The following TAB2 variants were observed in gnomAD, a reference collection of about 807,000 sequenced individuals.
TAB2 encodes TGF-beta-activated kinase 1 and MAP3K7-binding protein 2.
In TAB2, 3 loss-of-function variants were observed where a neutral mutation model predicts 65.0. That is an observed-to-expected ratio of 0.05 (90% CI 0.02 to 0.12). TAB2 has a LOEUF of 0.12. Among genes scored for constraint, TAB2 ranks in the 10% least tolerant of loss-of-function variants. The probability of loss-of-function intolerance (pLI) is 1.00; values close to 1 mark genes in which losing one functional copy is unlikely to be tolerated. For synonymous variants in TAB2, 298 were observed against 285.1 expected (o/e 1.05, Z -0.46); for missense variants, 623 against 840.3 (o/e 0.74, Z 3.20).
In TAB2 at chr6:149,339,593, A is replaced by AT. The variant is rs1562422713; in HGVS notation, c.-90+21581dup. 7.6e-3 allele frequency among the ~76,000 whole-genome samples: 117 copies of AT among 15,470 alleles called. 3 individuals are homozygous for AT. Among genetic ancestry groups the AT allele is most frequent in the African/African-American group, 9.7e-3 (114 of 11,734 alleles). The allele number at this position is 15,470 out of a possible 152,430, so 10.1% of individuals were successfully genotyped here. On this transcript the variant is annotated intron_variant, in intron 1 of 6. Coordinates refer to ENST00000637181, the MANE Select transcript of TAB2 (RefSeq NM_001292034.3). ...GCCCAATAATTAATCTTTTTTATTT[A>AT]TTTATTTATTTATTTTTTTTTTTTT...
At chr6:149,358,956 A>G (rs868122308) in intron 1 of TAB2, among the ~76,000 whole-genome samples, 2 of 151,430 alleles carry the variant, frequency 1.3e-5, no homozygotes, top group African/African-American at 2.4e-5. Flanking sequence ...ATGATGATAT[A>G]TTTTCTAGAA....
chr6:149,270,845 A>G (rs1012806123), intron 1 of TAB2, among the ~76,000 whole-genome samples: 3 of 152,142 alleles, frequency 2.0e-5, no homozygotes, highest in African/African-American at 7.2e-5. Flanking sequence ...AGTGTATCAC[A>G]TAAAAGAGTG....
intron 2 of TAB2, among the ~76,000 whole-genome samples, chr6:149,372,173 A>T (rs1321399914): frequency 6.6e-6 from 1 of 151,180 alleles, no homozygotes; most frequent in Non-Finnish European, 1.5e-5. Context: ...GAATTACTTT[A>T]AAATATTTTC....
chr6:149,250,661 G>A lies in TAB2; in HGVS notation c.-121+31885G>A, dbSNP rs116624212. Among the ~76,000 whole-genome samples, 1,360 of 152,292 alleles carry A rather than the reference G, an allele frequency of 8.9e-3. 15 individuals carry two copies. The highest frequency in any genetic ancestry group is 0.03 in the African/African-American group (1,239 of 41,558). ...ATTATTACATCTGGGTTTCAGAAAA[G>A]AGATTACTCAAGACTGTATATAAAA... On this transcript the variant is annotated intron_variant, in intron 1 of 1. Transcript: ENST00000606202.
intron 1 of TAB2, among the ~76,000 whole-genome samples, chr6:149,259,334 T>TACAGAC (rs1778104286): frequency 6.9e-6 from 1 of 145,930 alleles, no homozygotes; most frequent in Non-Finnish European, 1.5e-5. Flanking sequence ...ACGCTCCCTC[T>TACAGAC]ACACACACAC....
chr6:149,345,918 AAAC>A (rs1332658015), intron 1 of TAB2, among the ~76,000 whole-genome samples: 4 of 152,240 alleles, frequency 2.6e-5, no homozygotes, highest in South Asian at 2.1e-4. Context: ...ATATTCCACT[AAAC>A]AACAACAACA....
upstream of TAB2, among the ~76,000 whole-genome samples, chr6:149,312,794 C>T (rs373593980): frequency 2.6e-5 from 4 of 152,212 alleles, no homozygotes; most frequent in African/African-American, 9.6e-5. Flanking sequence ...TCTTGTACAA[C>T]ACAAGCTTGT....
chr6:149,343,571 A>G (rs1442221406), intron 1 of TAB2, among the ~76,000 whole-genome samples: 1 of 152,214 alleles, frequency 6.6e-6, no homozygotes, highest in Non-Finnish European at 1.5e-5. Context: ...ACTTTACCTG[A>G]AGAATTTAGT....
At chr6:149,244,030 C>T (rs2114645516) in intron 1 of TAB2, 2 of 152,374 alleles carry the variant, frequency 1.3e-5, no homozygotes, top group South Asian at 4.1e-4. Flanking sequence ...AAAGCAGATA[C>T]AGCCCATGAT....
At chr6:149,339,551 A>G (rs1156766526) in intron 1 of TAB2, among the ~76,000 whole-genome samples, 4 of 151,834 alleles carry the variant, frequency 2.6e-5, no homozygotes, top group Non-Finnish European at 4.4e-5. Flanking sequence ...AGTGTTTTTT[A>G]ACAGGAAAGA....
chr6:149,309,891 T>TGC (rs1562408744), intron 1 of TAB2, among the ~76,000 whole-genome samples: 114 of 151,816 alleles, frequency 7.5e-4, no homozygotes, highest in African/African-American at 2.5e-3. Context: ...TGGGTGTGTG[T>TGC]GTGTGTGTGT....
chr6:149,377,896 A>C (rs1781456659), intron 2 of TAB2, 122 bp from the exon 3 acceptor site: 3 of 766,132 alleles, frequency 3.9e-6, no homozygotes, highest in Non-Finnish European at 6.3e-6. Flanking sequence ...TCAAATTTAA[A>C]TATCCAAATA....
chr6:149,268,555 T>G (rs537208488), intron 1 of TAB2, among the ~76,000 whole-genome samples: 17 of 152,316 alleles, frequency 1.1e-4, no homozygotes, highest in Non-Finnish European at 1.8e-4. Context: ...GTGAGATCCT[T>G]GCATTGGATA....
intron 1 of TAB2, among the ~76,000 whole-genome samples, chr6:149,275,117 CT>C (rs1422077296): frequency 1.1e-5 from 1 of 92,268 alleles, no homozygotes; most frequent in African/African-American, 4.3e-5. Context: ...TTTTTTTTCT[CT>C]TCTTCTGTTT....
At chr6:149,273,098 TCGAGGAC>T (rs926785270) in intron 1 of TAB2, among the ~76,000 whole-genome samples, 6 of 151,554 alleles carry the variant, frequency 4.0e-5, no homozygotes, top group Non-Finnish European at 7.4e-5. Context: ...GACAAAAGCA[TCGAGGAC>T]CACTGATCGA....
chr6:149,299,857 A>G (rs1271778800), intron 1 of TAB2, among the ~76,000 whole-genome samples: 1 of 149,142 alleles, frequency 6.7e-6, no homozygotes, highest in East Asian at 2.0e-4. Flanking sequence ...TTTTTTTTTT[A>G]ACTTAGCCGG....
In TAB2 at chr6:149,258,398, C is replaced by T. The variant is rs1778084673; in HGVS notation, c.-121+39622C>T. Among the ~76,000 whole-genome samples the T allele has an allele frequency of 2.0e-5, 3 of 148,746 alleles. No individual in the cohort carries two copies. The South Asian group carries it at 6.4e-4, about 32-fold the overall frequency. Reference sequence around the variant, plus strand: ...GCTCTCACATGCCAGAGTGAGCCCCCTCCAGTGCATGACTGCCTACACACA... The same window carrying T: ...GCTCTCACATGCCAGAGTGAGCCCCTTCCAGTGCATGACTGCCTACACACA... On this transcript the variant is annotated intron_variant, in intron 1 of 1. Coordinates refer to the TAB2 transcript ENST00000606202.
intron 6 of TAB2, among the ~76,000 whole-genome samples, chr6:149,402,621 C>A (rs1463327780): frequency 2.6e-5 from 4 of 152,222 alleles, no homozygotes; most frequent in African/African-American, 9.6e-5. Context: ...CACTTCCAAA[C>A]TCATTCTGAG....
chr6:149,371,455 T>G (rs572781936), intron 2 of TAB2, among the ~76,000 whole-genome samples: 1 of 152,210 alleles, frequency 6.6e-6, no homozygotes, highest in South Asian at 2.1e-4. Flanking sequence ...CCCTATGTTC[T>G]GGTCATCCTG....
Sources: gnomAD v4.1 joint callset for allele counts (sites outside exome capture counted in the v4.1 genomes callset) on GRCh38, gnomAD v4.1.1 for gene constraint, MANE v1.5 for transcripts, NCBI Gene and HGNC (gene_info 2026-07-23, HGNC 2026-07-21) for gene names.